Variants in CDH17 observed in about 807,000 individuals in gnomAD.
CDH17 encodes the protein cadherin-17.
CDH17 carries 67 observed loss-of-function variants against 86.3 expected under a neutral mutation model. The ratio of observed to expected loss-of-function variants is 0.78; its 90% CI spans 0.64 to 0.95. The LOEUF is 0.95. CDH17 is among the 40% of genes least tolerant of loss of function. The pLI is 0.00. For synonymous variants in CDH17, 367 were observed against 366.4 expected, an observed-to-expected ratio of 1.00 and a Z score of -0.02; for missense variants, 993 against 1,017.6, an observed-to-expected ratio of 0.98 and a Z score of 0.33.
Position 94,174,154 on chromosome 8 carries a change from G to C in CDH17, c.531C>G (p.Val177=). 2 of 1,613,360 alleles carry C rather than the reference G, an allele frequency of 1.2e-6. No homozygotes were observed. Among genetic ancestry groups the C allele is most frequent in the Non-Finnish European group, 1.7e-6 (2 of 1,179,660 alleles). ...IVIQLPMINN[V]MYFQINNKTG... ...TTTTGTTGTTGATCTGAAAGTACAT[G>C]ACATTGTTGATCATGGGAAGCTGGA... Residue 177 remains valine (V), a synonymous_variant, in exon 6 of 18, where the codon GTC becomes GTG. Coordinates refer to ENST00000027335, the MANE Select transcript of CDH17 (RefSeq NM_004063.4).
chr8:94,182,491 C>A (rs1813502538), intron 3 of CDH17, among the ~76,000 whole-genome samples: 1 of 151,992 alleles, frequency 6.6e-6, no homozygotes, highest in South Asian at 2.1e-4. Flanking sequence ...AAGGTAGTAT[C>A]CCATATTGAT....
At chr8:94,201,721 G>C (rs1813916063) in intron 1 of CDH17, among the ~76,000 whole-genome samples, 1 of 152,170 alleles carries the variant, frequency 6.6e-6, no homozygotes, top group Admixed American at 6.5e-5. Flanking sequence ...TGTTTAGCCT[G>C]TGCTGCTGTC....
In CDH17 at chr8:94,178,029, T is replaced by C. The variant is rs114530082; in HGVS notation, c.151-308A>G. Among the ~76,000 whole-genome samples, 658 of 152,330 alleles carry C rather than the reference T, an allele frequency of 4.3e-3. 3 individuals are homozygous for C. The highest frequency in any genetic ancestry group is 0.015 in the African/African-American group (619 of 41,578). On this transcript the variant is annotated intron_variant, in intron 3 of 17. Coordinates refer to ENST00000027335, the MANE Select transcript of CDH17 (RefSeq NM_004063.4). ...TCTGAAATCTATGACATTACTAGCT[T>C]CTAAGAAGCATTAAAAGGGTAGCTT...
chr8:94,144,082 G>A (rs1812688634), intron 15 of CDH17, among the ~76,000 whole-genome samples: 1 of 152,170 alleles, frequency 6.6e-6, no homozygotes, highest in Non-Finnish European at 1.5e-5. Context: ...TTTAAAGTGA[G>A]AGATGTGTGA....
chr8:94,196,858 G>A (rs1431155986), intron 1 of CDH17, among the ~76,000 whole-genome samples: 3 of 152,130 alleles, frequency 2.0e-5, no homozygotes, highest in Non-Finnish European at 4.4e-5. Flanking sequence ...TTGTAACCAC[G>A]TGTACAGTAA....
In CDH17 at chr8:94,150,600, T is replaced by C. The variant is rs560058105; in HGVS notation, c.1796+1268A>G. On this transcript the variant is annotated intron_variant, in intron 13 of 17. Transcript: ENST00000027335. ...CACTTTCTTCATTTGTCTTCTGGAA[T>C]TGTACCTTACAGAACACCTCTTCTC... 3.2e-4 allele frequency among the ~76,000 whole-genome samples: 49 copies of C among 152,310 alleles called. 1 individual carries two copies. In the South Asian group the frequency reaches 9.1e-3, roughly 28 times the overall value.
chr8:94,171,432 A>G (rs1200065736), intron 7 of CDH17, among the ~76,000 whole-genome samples: 1 of 152,202 alleles, frequency 6.6e-6, no homozygotes. Context: ...TCTCCATGCC[A>G]TTAAGTAAGA....
chr8:94,157,548 G>C (rs181067060), intron 12 of CDH17, among the ~76,000 whole-genome samples: 114 of 152,236 alleles, frequency 7.5e-4, no homozygotes, highest in African/African-American at 2.7e-3. Context: ...ATCTCAATTA[G>C]AACTAGAAAG....
chr8:94,136,217 G>A (rs1812522885), intron 15 of CDH17, among the ~76,000 whole-genome samples: 1 of 152,174 alleles, frequency 6.6e-6, no homozygotes, highest in Non-Finnish European at 1.5e-5. Flanking sequence ...CTAGATTGGG[G>A]AAGTTCTCCT....
At chr8:94,146,773 G>A (rs1347501645) in intron 14 of CDH17, among the ~76,000 whole-genome samples, 1 of 152,212 alleles carries the variant, frequency 6.6e-6, no homozygotes, top group Non-Finnish European at 1.5e-5. Flanking sequence ...TGTTGTATGA[G>A]GAGTAAGTTA....
intron 12 of CDH17, among the ~76,000 whole-genome samples, chr8:94,156,898 T>C (rs1173034942): frequency 2.6e-5 from 4 of 152,284 alleles, no homozygotes; most frequent in Non-Finnish European, 2.9e-5. Flanking sequence ...TTTTTACAGA[T>C]TGGAAAACTG....
intron 3 of CDH17, among the ~76,000 whole-genome samples, chr8:94,183,578 G>T (rs994234977): frequency 6.6e-6 from 1 of 150,956 alleles, no homozygotes; most frequent in East Asian, 1.9e-4. Context: ...ATGGATCAAA[G>T]ACCTAAATAG....
At position 94,165,938 on chromosome 8, in the gene CDH17, C is replaced by G; in HGVS notation, c.1105G>C (p.Glu369Gln). The change falls in exon 10 of 18, where the codon GAA becomes CAA. Residue 369 changes from glutamate (E) to glutamine (Q), a missense_variant. Physicochemically the swap from Glu to Gln is conservative, Grantham distance 29. Transcript: ENST00000027335. The stretch of plus-strand genomic sequence containing the variant: ...AGAAAACTGTTGGCAGTATTTTCTT[C>G]ATCCCTGTCATGTGCAGTAAGGGTC... ...IGTLTAHDRD[E>Q]ENTANSFLNY... 1 of 1,613,858 alleles carries G rather than the reference C, an allele frequency of 6.2e-7. No homozygotes were observed. The highest frequency in any genetic ancestry group is 1.1e-5 in the South Asian group (1 of 91,072).
intron 15 of CDH17, among the ~76,000 whole-genome samples, chr8:94,133,282 C>G (rs908379054): frequency 6.6e-6 from 1 of 152,156 alleles, no homozygotes; most frequent in Non-Finnish European, 1.5e-5. Flanking sequence ...GACATTGATT[C>G]TTCCTGTCCA....
At chr8:94,137,081 T>C (rs1253192676) in intron 15 of CDH17, among the ~76,000 whole-genome samples, 1 of 152,154 alleles carries the variant, frequency 6.6e-6, no homozygotes, top group Non-Finnish European at 1.5e-5. Context: ...GTCTCCCAAT[T>C]AGGCTACATG....
chr8:94,160,161 T>C lies in CDH17; in HGVS notation c.1361A>G (p.Tyr454Cys). Residue 454 changes from tyrosine to cysteine, a missense_variant and splice_region_variant, in exon 12 of 18, where the codon TAT becomes TGT. Physicochemically the swap from Tyr to Cys is radical, Grantham distance 194. Coordinates refer to ENST00000027335, the MANE Select transcript of CDH17 (RefSeq NM_004063.4). ...GTCTTCAGCAAGAGTCAGGTTTCCATACTAAGGAGAAAATGGAGAAGGAAA... is the reference window on the plus strand; with the variant it reads ...GTCTTCAGCAAGAGTCAGGTTTCCACACTAAGGAGAAAATGGAGAAGGAAA... ...DQIPIFEKSD[Y>C]GNLTLAEDTN... is the part of the protein sequence containing the mutation. 1.9e-6 allele frequency: 3 copies of C among 1,607,282 alleles called. No individual in the cohort carries two copies. The highest frequency in any genetic ancestry group is 2.5e-6 in the Non-Finnish European group (3 of 1,177,102).
At chr8:94,134,469 G>A (rs1352250462) in intron 15 of CDH17, among the ~76,000 whole-genome samples, 2 of 152,150 alleles carry the variant, frequency 1.3e-5, no homozygotes, top group Admixed American at 6.5e-5. Flanking sequence ...TTCTCTGATT[G>A]TAGTTTGTAT....
At chr8:94,210,254 A>AAAAAAG (rs1814101230), upstream of CDH17, among the ~76,000 whole-genome samples, 3 of 143,368 alleles carry the variant, frequency 2.1e-5, no homozygotes, top group African/African-American at 5.3e-5. Context: ...AAAAAAAAAA[A>AAAAAAG]GTCCAAGGGC....
intron 9 of CDH17, 141 bp downstream of exon 9, chr8:94,170,256 G>T: frequency 1.2e-6 from 1 of 814,152 alleles, no homozygotes; most frequent in Non-Finnish European, 1.9e-6. Flanking sequence ...GTCCTTACGT[G>T]ACTCCCAAGG....
Sources: gnomAD v4.1 joint callset for allele counts (sites outside exome capture counted in the v4.1 genomes callset) on GRCh38, gnomAD v4.1.1 for gene constraint, MANE v1.5 for transcripts, NCBI Gene and HGNC (gene_info 2026-07-23, HGNC 2026-07-21) for gene names.